Variants in PLEKHG3 observed in about 807,000 individuals in gnomAD.
PLEKHG3 encodes pleckstrin homology domain-containing family G member 3.
In PLEKHG3, 62 loss-of-function variants were observed where a neutral mutation model predicts 94.9. That is an observed-to-expected ratio of 0.65 (90% CI 0.53 to 0.81). The LOEUF (loss-of-function observed/expected upper bound fraction) is 0.81, where lower values mean the gene tolerates loss of function less well. Ranked by LOEUF, PLEKHG3 falls within the 30% of genes least tolerant of loss-of-function variation. The probability of loss-of-function intolerance (pLI) is 0.00; values close to 1 mark genes in which losing one functional copy is unlikely to be tolerated. For missense variants in PLEKHG3, 1,461 were observed against 1,619.3 expected (o/e 0.90, Z 1.68); for synonymous variants, 614 against 654.0 (o/e 0.94, Z 0.93).
In PLEKHG3 at chr14:64,732,595, G is replaced by T. The variant is rs78020238; in HGVS notation, c.1246+135G>T. 6.5e-3 allele frequency: 5,356 copies of T among 830,256 alleles called. 216 individuals carry two copies. In the African/African-American group the frequency reaches 0.081, roughly 13 times the overall value. The allele number at this position is 830,256 out of a possible 1,614,324, so 51.4% of individuals were successfully genotyped here. The stretch of plus-strand genomic sequence containing the variant: ...CGGGGGTCTCCTGTTAAGGGCTGGG[G>T]GGTGAACTACATGATTAAGGATGCT... On this transcript the variant is annotated intron_variant, in intron 11 of 16. Coordinates refer to ENST00000247226, the MANE Select transcript of PLEKHG3 (RefSeq NM_001308147.2). This position sits in a 1 kb window ranked among gnomAD's most constrained non-coding sequence, Gnocchi z 4.9.
At chr14:64,708,409 G>A (rs2081009055) in intron 1 of PLEKHG3, among the ~76,000 whole-genome samples, 1 of 152,158 alleles carries the variant, frequency 6.6e-6, no homozygotes, top group Admixed American at 6.5e-5. Flanking sequence ...GAGTGGGGCG[G>A]GGACAAGGGG....
rs1004698014 is a variant in PLEKHG3 at position 64,742,235 on chromosome 14, C to T, written c.2718C>T (p.Arg906=). The T allele has an allele frequency of 6.2e-7, 1 of 1,613,086 alleles. No individual in the cohort carries two copies. Among genetic ancestry groups the T allele is most frequent in the African/African-American group, 1.3e-5 (1 of 75,074 alleles). Residue 906 remains arginine (R), a synonymous_variant, in exon 16 of 17, where the codon CGC becomes CGT. Coordinates refer to ENST00000247226, the MANE Select transcript of PLEKHG3 (RefSeq NM_001308147.2). ...QGELVAPLHP[R]IVQLSHVMDS... is the part of the protein sequence containing the mutation. ...AGCTGGTGGCCCCACTGCACCCCCGCATCGTGCAGCTCTCCCACGTAATGG... is the reference window on the plus strand; with the variant it reads ...AGCTGGTGGCCCCACTGCACCCCCGTATCGTGCAGCTCTCCCACGTAATGG...
chr14:64,712,063 G>A (rs895399896), intron 1 of PLEKHG3, among the ~76,000 whole-genome samples: 6 of 152,154 alleles, frequency 3.9e-5, no homozygotes, highest in African/African-American at 1.4e-4. Flanking sequence ...TGAAGATCTA[G>A]CACCTTTTGT....
chr14:64,707,963 G>C (rs1347089639), intron 1 of PLEKHG3, among the ~76,000 whole-genome samples: 1 of 152,242 alleles, frequency 6.6e-6, no homozygotes, highest in Admixed American at 6.5e-5. Flanking sequence ...AAAGACTATA[G>C]AGAGGTTCGA....
chr14:64,743,013 C>G lies in PLEKHG3; in HGVS notation c.2970C>G (p.Asp990Glu), dbSNP rs1403809350. ...GGAAGCCGGTGCTGTCTCTATTTGA[C>G]TATGAGCAGCTGATGGCCCAGGAGC... ...GKRKPVLSLF[D>E]YEQLMAQEHS... The change falls in exon 17 of 17, where the codon GAC (aspartate) becomes GAG (glutamate). Residue 990 changes from aspartate to glutamate, a missense_variant. Physicochemically the swap from Asp to Glu is conservative, Grantham distance 45 (BLOSUM62 2). Around this residue, in one of 3 missense-constraint regions of PLEKHG3, gnomAD observed 1,201 missense variants for 1,295.5 expected, o/e 0.93. Coordinates refer to ENST00000247226, the MANE Select transcript of PLEKHG3 (RefSeq NM_001308147.2). This position sits in a 1 kb window ranked among gnomAD's most constrained non-coding sequence, Gnocchi z 7.2. 1 of 1,613,128 alleles carries G rather than the reference C, an allele frequency of 6.2e-7. No homozygotes were observed. Among genetic ancestry groups the G allele is most frequent in the African/African-American group, 1.3e-5 (1 of 75,052 alleles).
rs2081304629 is a variant in PLEKHG3, at chr14:64,723,764, G to C, written c.-39-3829G>C. 6.6e-6 allele frequency: 1 copy of C among 152,258 alleles called. No homozygotes were observed. The highest frequency in any genetic ancestry group is 6.5e-5 in the Admixed American group (1 of 15,282). 9.4% of individuals were successfully genotyped at this position (152,258 alleles called of 1,614,324 possible). A position where few individuals can be genotyped will look rare whatever the true frequency, so the allele number is the denominator to read the frequency against. ...GATCTGCCCCCCTCTGCCTCCCACA[G>C]TGCTGGGATTACAGGCGTGAGCCAT... On this transcript the variant is annotated intron_variant, in intron 1 of 16. Coordinates refer to ENST00000247226, the MANE Select transcript of PLEKHG3 (RefSeq NM_001308147.2). The surrounding 1 kb of genome is among the most constrained non-coding windows in gnomAD (Gnocchi z 4.5).
Position 64,731,327 on chromosome 14 carries a change from C to A in PLEKHG3, c.850-34C>A. 3 of 1,585,112 alleles carry A rather than the reference C, an allele frequency of 1.9e-6. No homozygotes were observed. The highest frequency in any genetic ancestry group is 1.3e-5 in the African/African-American group (1 of 74,386). ...GCAGAGCCTCCTAAGGCCCCAGTGG[C>A]CTGACTCTAGGGATTGGGGCCCCTC... is the stretch of plus-strand genomic sequence containing the variant. On this transcript the variant is annotated intron_variant, in intron 7 of 16. Coordinates refer to ENST00000247226, the MANE Select transcript of PLEKHG3 (RefSeq NM_001308147.2). This position sits in a 1 kb window ranked among gnomAD's most constrained non-coding sequence, Gnocchi z 6.1.
In PLEKHG3 at chr14:64,738,774, GAGC is replaced by G; in HGVS notation, c.1443_1445del (p.Ser481del). The G allele has an allele frequency of 6.3e-7, 1 of 1,598,086 alleles. No individual in the cohort carries two copies. Among genetic ancestry groups the G allele is most frequent in the Non-Finnish European group, 8.5e-7 (1 of 1,171,950 alleles). ...GGCGCAGGGAGTCTGAAAGCTCCAG[GAGC>G]AGCAGAAGGCCCAGTGGCCGGTCTC... On this transcript the variant is annotated inframe_deletion, in exon 15 of 17. Coordinates refer to ENST00000247226, the MANE Select transcript of PLEKHG3 (RefSeq NM_001308147.2). This position sits in a 1 kb window ranked among gnomAD's most constrained non-coding sequence, Gnocchi z 4.8.
rs756094864 is a variant in PLEKHG3, at chr14:64,749,696, C to T, written c.*5993C>T. 3 of 1,613,778 alleles carry T rather than the reference C, an allele frequency of 1.9e-6. No individual in the cohort carries two copies. The highest frequency in any genetic ancestry group is 3.3e-4 in the Middle Eastern group (2 of 6,062). ...AGAGCCACTCGCTGCCATTACTCAG[C>T]CTAGGAGGACAAAGGGTTTCCTGTC... On this transcript the variant is annotated 3_prime_UTR_variant, in exon 17 of 17. Transcript: ENST00000247226. This position sits in a 1 kb window ranked among gnomAD's most constrained non-coding sequence, Gnocchi z 4.7.
Position 64,749,420 on chromosome 14 carries a change from C to T in PLEKHG3, c.*5717C>T, listed in dbSNP as rs141552085. 214 of 1,606,306 alleles carry T rather than the reference C, an allele frequency of 1.3e-4. No individual in the cohort carries two copies. The highest frequency in any genetic ancestry group is 5.0e-4 in the Middle Eastern group (3 of 6,056). On this transcript the variant is annotated 3_prime_UTR_variant, in exon 17 of 17. Coordinates refer to ENST00000247226, the MANE Select transcript of PLEKHG3 (RefSeq NM_001308147.2). This position sits in a 1 kb window ranked among gnomAD's most constrained non-coding sequence, Gnocchi z 4.7. ...GGCTCTGCGCCTTGACGCGGATGCT[C>T]TGGGACTCGTTGATGGCGGTGCTCA...
intron 1 of PLEKHG3, among the ~76,000 whole-genome samples, chr14:64,710,111 C>T (rs934577185): frequency 2.0e-5 from 3 of 152,142 alleles, no homozygotes; most frequent in African/African-American, 7.2e-5. Flanking sequence ...TGCAAGTTGG[C>T]CCCAAAGTGG....
At position 64,748,448 on chromosome 14, in the gene PLEKHG3, C is replaced by T. The variant is rs1695770; in HGVS notation, c.*4745C>T. 32,029 of 152,144 alleles carry T rather than the reference C, an allele frequency of 0.21. 3,878 individuals are homozygous for T. The highest frequency in any genetic ancestry group is 0.33 in the African/African-American group (13,598 of 41,430). 9.4% of individuals were successfully genotyped at this position (152,144 alleles called of 1,614,324 possible). A position where few individuals can be genotyped will look rare whatever the true frequency, so the allele number is the denominator to read the frequency against. On this transcript the variant is annotated 3_prime_UTR_variant, in exon 17 of 17. Transcript: ENST00000247226. ...GAGAGCCTTAGGCAGTGTTGTGACGCACCTGTCACTCCTTCAGATCAGAGC... is the reference window on the plus strand; with the variant it reads ...GAGAGCCTTAGGCAGTGTTGTGACGTACCTGTCACTCCTTCAGATCAGAGC...
In PLEKHG3 at chr14:64,744,906, C is replaced by T. The variant is rs1439652199; in HGVS notation, c.*1203C>T. 6.6e-6 allele frequency: 1 copy of T among 151,788 alleles called. No homozygotes were observed. Among genetic ancestry groups the T allele is most frequent in the Non-Finnish European group, 1.5e-5 (1 of 68,016 alleles). 9.4% of individuals were successfully genotyped at this position (151,788 alleles called of 1,614,324 possible). A position where few individuals can be genotyped will look rare whatever the true frequency, so the allele number is the denominator to read the frequency against. ...CTCGTTGTCTCAGCCTCCCAGGTCG[C>T]TGGGACTACAGGCATGAGCCACCAC... On this transcript the variant is annotated 3_prime_UTR_variant, in exon 17 of 17. Transcript: ENST00000247226.
chr14:64,738,304 C>A lies in PLEKHG3; in HGVS notation c.1405-438C>A. On this transcript the variant is annotated intron_variant, in intron 14 of 16. Coordinates refer to ENST00000247226, the MANE Select transcript of PLEKHG3 (RefSeq NM_001308147.2). The surrounding 1 kb of genome is among the most constrained non-coding windows in gnomAD (Gnocchi z 4.8). ...GCCCACCCGAGGGCCCCCTCTGCTG[C>A]CCTCCTCACCCCACCCTGCCCTGGT... is the stretch of plus-strand genomic sequence containing the variant. 1 of 824,622 alleles carries A rather than the reference C, an allele frequency of 1.2e-6. No individual in the cohort carries two copies. The highest frequency in any genetic ancestry group is 1.7e-6 in the Non-Finnish European group (1 of 581,310). 51.1% of individuals were successfully genotyped at this position (824,622 alleles called of 1,614,324 possible). A position where few individuals can be genotyped will look rare whatever the true frequency, so the allele number is the denominator to read the frequency against.
intron 1 of PLEKHG3, among the ~76,000 whole-genome samples, chr14:64,724,540 A>G (rs2081319524): frequency 6.6e-6 from 1 of 152,042 alleles, no homozygotes; most frequent in Non-Finnish European, 1.5e-5. Context: ...TGATCCTTTG[A>G]CCGGGAATCT....
rs2080941446 is a variant in PLEKHG3 at position 64,704,452 on chromosome 14, C to T, written c.-292C>T. On this transcript the variant is annotated 5_prime_UTR_variant, in exon 1 of 17. Coordinates refer to ENST00000247226, the MANE Select transcript of PLEKHG3 (RefSeq NM_001308147.2). This position sits in a 1 kb window ranked among gnomAD's most constrained non-coding sequence, Gnocchi z 5.6. ...CCCTCGCTCCCTCGCTCCCTCCTGCCCTCCCGCTGCAGCTCCGGCTCCGCT... is the reference window on the plus strand; with the variant it reads ...CCCTCGCTCCCTCGCTCCCTCCTGCTCTCCCGCTGCAGCTCCGGCTCCGCT... The T allele has an allele frequency of 1.2e-5, 2 of 163,366 alleles. No homozygotes were observed. The highest frequency in any genetic ancestry group is 6.4e-5 in the Admixed American group (1 of 15,514). 10.1% of individuals were successfully genotyped at this position (163,366 alleles called of 1,614,324 possible). A position where few individuals can be genotyped will look rare whatever the true frequency, so the allele number is the denominator to read the frequency against.
In PLEKHG3 at chr14:64,731,257, G is replaced by A; in HGVS notation, c.849+88G>A. The A allele has an allele frequency of 1.4e-6, 2 of 1,460,806 alleles. No homozygotes were observed. Among genetic ancestry groups the A allele is most frequent in the Non-Finnish European group, 1.9e-6 (2 of 1,053,078 alleles). The allele number at this position is 1,460,806 out of a possible 1,614,324, so 90.5% of individuals were successfully genotyped here. On this transcript the variant is annotated intron_variant, in intron 7 of 16. Transcript: ENST00000247226. The surrounding 1 kb of genome is among the most constrained non-coding windows in gnomAD (Gnocchi z 6.1). Reference sequence around the variant, plus strand: ...AGAGGGACTGTGGCCACCCTGCTGGGATGAGCTGGGCAGTGGCATTGGGGG... The same window carrying A: ...AGAGGGACTGTGGCCACCCTGCTGGAATGAGCTGGGCAGTGGCATTGGGGG...
At chr14:64,713,983 C>T (rs2081099361) in intron 1 of PLEKHG3, among the ~76,000 whole-genome samples, 1 of 151,920 alleles carries the variant, frequency 6.6e-6, no homozygotes, top group South Asian at 2.1e-4. Context: ...GTTCCTTACC[C>T]CCTATACTAC....
rs1199505439 is a variant in PLEKHG3, at chr14:64,730,668, G to A, written c.546G>A (p.Gln182=). ...GCCAAGAGTTTGATATCTACACTCA[G>A]TATTGCAACAATTACCCCAAGTGAG... ...ERSQEFDIYT[Q]YCNNYPNSVA... is the part of the protein sequence containing the mutation. The change falls in exon 5 of 17, where the codon CAG becomes CAA. Residue 182 remains glutamine, a synonymous_variant. Transcript: ENST00000247226. This position sits in a 1 kb window ranked among gnomAD's most constrained non-coding sequence, Gnocchi z 5.4. 2.5e-6 allele frequency: 4 copies of A among 1,613,350 alleles called. No homozygotes were observed. Among genetic ancestry groups the A allele is most frequent in the Non-Finnish European group, 3.4e-6 (4 of 1,179,392 alleles).
Sources: gnomAD v4.1 joint callset for allele counts (sites outside exome capture counted in the v4.1 genomes callset) on GRCh38, gnomAD v4.1.1 for gene constraint, gnomAD v4.1.1 regional missense constraint, Gnocchi (gnomAD v3.1) non-coding constraint, MANE v1.5 for transcripts, NCBI Gene and HGNC (gene_info 2026-07-23, HGNC 2026-07-21) for gene names.